The following WDR7 variants were observed in gnomAD, a reference collection of about 807,000 sequenced individuals.
The protein encoded by WDR7 is WD repeat domain 7.
In WDR7, 46 loss-of-function variants were observed where a neutral mutation model predicts 169.4. That is an observed-to-expected ratio of 0.27 (90% CI 0.21 to 0.35). WDR7 has a LOEUF of 0.35. Among genes scored for constraint, WDR7 ranks in the 10% least tolerant of loss-of-function variants. WDR7 has a pLI of 1.00. For missense variants in WDR7, 1,534 were observed against 1,859.3 expected, an observed-to-expected ratio of 0.83 and a Z score of 3.22; for synonymous variants, 612 against 666.8, an observed-to-expected ratio of 0.92 and a Z score of 1.27.
intron 24 of WDR7, among the ~76,000 whole-genome samples, 194 bp from the exon 25 acceptor site, chr18:56,939,117 A>C (rs1312701348): frequency 1.3e-5 from 2 of 152,170 alleles, no homozygotes; most frequent in African/African-American, 2.4e-5. Flanking sequence ...ACTGTCCTTT[A>C]AATTTCTTTT....
chr18:56,997,735 GA>G (rs1260477035), intron 26 of WDR7, among the ~76,000 whole-genome samples: 2 of 152,132 alleles, frequency 1.3e-5, no homozygotes, highest in Admixed American at 1.3e-4. Flanking sequence ...TTTTTCAGAA[GA>G]AAGATGAATA....
intron 26 of WDR7, among the ~76,000 whole-genome samples, chr18:57,019,466 G>A (rs920629661): frequency 4.6e-5 from 7 of 152,020 alleles, no homozygotes; most frequent in Non-Finnish European, 7.4e-5. Flanking sequence ...CAGGAAGTCC[G>A]GCTCACATCA....
intron 20 of WDR7, among the ~76,000 whole-genome samples, chr18:56,868,177 G>A (rs930041204): frequency 6.6e-6 from 1 of 152,016 alleles, no homozygotes; most frequent in African/African-American, 2.4e-5. Flanking sequence ...ATTTTTCAAA[G>A]CTAGAGATCC....
At chr18:56,665,032 G>T (rs2144480182) in intron 1 of WDR7, among the ~76,000 whole-genome samples, 1 of 152,268 alleles carries the variant, frequency 6.6e-6, no homozygotes, top group Middle Eastern at 3.4e-3. Flanking sequence ...GGTGGCTCAT[G>T]GCTGTAATCC....
chr18:56,685,908 G>A (rs201569689), intron 5 of WDR7, 48 bp from the exon 6 acceptor site: 818 of 1,425,832 alleles, frequency 5.7e-4, no homozygotes, highest in Non-Finnish European at 7.4e-4. Flanking sequence ...TAGAAAAAGC[G>A]TATTATGTTC....
At chr18:56,652,789 T>A (rs1231802900) in intron 1 of WDR7, among the ~76,000 whole-genome samples, 1 of 152,194 alleles carries the variant, frequency 6.6e-6, no homozygotes, top group Non-Finnish European at 1.5e-5. Flanking sequence ...ATGCCCTTTA[T>A]TTTTTCTTAT....
intron 12 of WDR7, among the ~76,000 whole-genome samples, chr18:56,710,287 G>A (rs2026059135): frequency 6.6e-6 from 1 of 152,116 alleles, no homozygotes; most frequent in African/African-American, 2.4e-5. Context: ...ACAGGCGTGA[G>A]CCACCGTGCC....
At chr18:56,682,877 A>G (rs2025376699) in intron 5 of WDR7, 24 bp downstream of exon 5, 2 of 1,605,782 alleles carry the variant, frequency 1.2e-6, no homozygotes, top group Non-Finnish European at 1.7e-6. Context: ...GCCTGTTAGG[A>G]GCTTTAGCAC....
At chr18:56,989,397 A>C (rs1430164388) in intron 26 of WDR7, among the ~76,000 whole-genome samples, 1 of 152,160 alleles carries the variant, frequency 6.6e-6, no homozygotes, top group Non-Finnish European at 1.5e-5. Flanking sequence ...TTTCCAAGTA[A>C]TTAGTTTCTT....
intron 20 of WDR7, among the ~76,000 whole-genome samples, chr18:56,833,287 GAAAAAGGAAT>G (rs1246366691): frequency 1.3e-5 from 2 of 151,876 alleles, no homozygotes; most frequent in Non-Finnish European, 1.5e-5. Flanking sequence ...CAAGATTAGA[GAAAAAGGAAT>G]GAAAAGGAAT....
chr18:56,893,529 CT>C (rs1246603545), intron 21 of WDR7, among the ~76,000 whole-genome samples: 1 of 151,986 alleles, frequency 6.6e-6, no homozygotes, highest in South Asian at 2.1e-4. Context: ...ATTTTTAAGA[CT>C]TTGTTGAATG....
intron 20 of WDR7, among the ~76,000 whole-genome samples, chr18:56,854,853 ATTCTGTT>A (rs1441087491): frequency 6.6e-6 from 1 of 152,110 alleles, no homozygotes; most frequent in Admixed American, 6.6e-5. Context: ...GCTCAGAGAG[ATTCTGTT>A]TTCTGAGGGC....
At position 57,007,930 on chromosome 18, in the gene WDR7, G is replaced by C. The variant is rs2048087615; in HGVS notation, c.4165-12815G>C. On this transcript the variant is annotated intron_variant, in intron 26 of 27. Coordinates refer to ENST00000254442, the MANE Select transcript of WDR7 (RefSeq NM_015285.3). Reference sequence around the variant, plus strand: ...TGCTGTGTACCAGGAACAGGGCTGAGTGCAGGGTCTATTCCTTCCACATCT... The same window carrying C: ...TGCTGTGTACCAGGAACAGGGCTGACTGCAGGGTCTATTCCTTCCACATCT... Among the ~76,000 whole-genome samples, 5 of 152,266 alleles carry C rather than the reference G, an allele frequency of 3.3e-5. 1 individual carries two copies. In the South Asian group the frequency reaches 1.0e-3, roughly 32 times the overall value.
the WDR7 span, chr18:57,035,421 A>T: frequency 6.6e-6 from 1 of 152,364 alleles, no homozygotes; most frequent in Non-Finnish European, 1.5e-5. Context: ...GCTTGGAGAA[A>T]ATGGTGGCTG....
In WDR7 at chr18:56,885,817, A is replaced by G. The variant is rs972163641; in HGVS notation, c.3526+5652A>G. 4.1e-5 allele frequency among the ~76,000 whole-genome samples: 6 copies of G among 145,624 alleles called. No homozygotes were observed. The East Asian group carries it at 1.2e-3, about 29-fold the overall frequency. Reference sequence around the variant, plus strand: ...ACTCCAGCCTAGGCGACAGAGCGAGACTCTGTCTCAAAAAAAAAAAAAAAC... The same window carrying G: ...ACTCCAGCCTAGGCGACAGAGCGAGGCTCTGTCTCAAAAAAAAAAAAAAAC... On this transcript the variant is annotated intron_variant, in intron 21 of 27. Coordinates refer to ENST00000254442, the MANE Select transcript of WDR7 (RefSeq NM_015285.3).
intron 19 of WDR7, among the ~76,000 whole-genome samples, chr18:56,811,467 C>A (rs754580114): frequency 1.3e-5 from 2 of 151,974 alleles, no homozygotes; most frequent in Non-Finnish European, 1.5e-5. Context: ...CTTAATAGGG[C>A]CTTTGTAGAA....
At chr18:56,686,750 C>A in intron 6 of WDR7, 105 bp from the exon 7 acceptor site, 8 of 963,680 alleles carry the variant, frequency 8.3e-6, no homozygotes, top group Non-Finnish European at 1.3e-5. Context: ...AAATGATGAA[C>A]ATATGAAGCG....
chr18:56,998,338 A>C (rs2047928546), intron 26 of WDR7, among the ~76,000 whole-genome samples: 1 of 152,136 alleles, frequency 6.6e-6, no homozygotes, highest in South Asian at 2.1e-4. Flanking sequence ...CTCTCTGCAC[A>C]TATATTTGAC....
chr18:56,840,691 T>C (rs888903960), intron 20 of WDR7, among the ~76,000 whole-genome samples: 7 of 151,676 alleles, frequency 4.6e-5, no homozygotes, highest in African/African-American at 1.7e-4. Context: ...TAGTGGCGTG[T>C]GCTGGTAGTC....
Sources: allele counts gnomAD v4.1 joint callset (sites outside exome capture counted in the v4.1 genomes callset), GRCh38; gene constraint gnomAD v4.1.1; transcripts MANE v1.5; gene names NCBI Gene and HGNC (gene_info 2026-07-23, HGNC 2026-07-21).